The following RPL26L1 variants were observed in gnomAD, a reference collection of about 807,000 sequenced individuals.
The protein encoded by RPL26L1 is ribosomal protein L26 like 1.
A neutral mutation model predicts 15.2 loss-of-function variants in RPL26L1; 8 were observed. The observed-to-expected ratio is 0.53, with a 90% CI of 0.31 to 0.95. RPL26L1 has a LOEUF of 0.95. Ranked by LOEUF, RPL26L1 falls within the 40% of genes least tolerant of loss-of-function variation. RPL26L1 has a pLI of 0.05. For synonymous variants in RPL26L1, 51 were observed against 65.9 expected, an observed-to-expected ratio of 0.77 and a Z score of 1.09; for missense variants, 146 against 190.9, an observed-to-expected ratio of 0.76 and a Z score of 1.39.
At chr5:172,964,925 T>A (rs911068156) in intron 2 of RPL26L1, among the ~76,000 whole-genome samples, 1 of 152,208 alleles carries the variant, frequency 6.6e-6, no homozygotes, top group South Asian at 2.1e-4. Context: ...GGCTCACGCC[T>A]GTAATCTCAA....
chr5:172,967,846 G>A (rs1410558387), intron 2 of RPL26L1, among the ~76,000 whole-genome samples: 3 of 151,380 alleles, frequency 2.0e-5, no homozygotes, highest in South Asian at 2.1e-4. Flanking sequence ...ATATATGTAT[G>A]TTACATATAA....
At chr5:172,960,688 C>T (rs1482408156) in intron 2 of RPL26L1, among the ~76,000 whole-genome samples, 7 of 151,962 alleles carry the variant, frequency 4.6e-5, no homozygotes, top group Non-Finnish European at 1.0e-4. Flanking sequence ...CCTCTGTTCT[C>T]TGTGATTGGA....
intron 2 of RPL26L1, among the ~76,000 whole-genome samples, chr5:172,963,621 C>T (rs1418677896): frequency 2.6e-5 from 4 of 152,136 alleles, no homozygotes; most frequent in Non-Finnish European, 2.9e-5. Flanking sequence ...CTTAAATGTC[C>T]GTTCCTCAGA....
chr5:172,959,308 G>A, upstream of RPL26L1: 1 of 970,246 alleles, frequency 1.0e-6, no homozygotes, highest in Non-Finnish European at 1.2e-6. Flanking sequence ...CCCTCCCGGG[G>A]CCGCCAGGAA....
At position 172,959,425 on chromosome 5, in the gene RPL26L1, C is replaced by T. The variant is rs964953228; in HGVS notation, c.-53C>T. 6 of 999,270 alleles carry T rather than the reference C, an allele frequency of 6.0e-6. No homozygotes were observed. Among genetic ancestry groups the T allele is most frequent in the Non-Finnish European group, 7.2e-6 (6 of 836,256 alleles). 61.9% of individuals were successfully genotyped at this position (999,270 alleles called of 1,614,324 possible). A position where few individuals can be genotyped will look rare whatever the true frequency, so the allele number is the denominator to read the frequency against. ...TGCGCTTGCGCGGCACGGAAACTCA[C>T]TTCCGGCCCTGCGCACTCAGGGTCT... On this transcript the variant is annotated 5_prime_UTR_variant, in exon 1 of 4. Transcript: ENST00000265100.
At chr5:172,959,409 G>A (rs962206080), upstream of RPL26L1, 5 of 1,003,566 alleles carry the variant, frequency 5.0e-6, no homozygotes, top group Non-Finnish European at 6.0e-6. Flanking sequence ...CTGCGCTTGC[G>A]CGGCACGGAA....
chr5:172,967,752 GTATATATACA>G (rs1755509977), intron 2 of RPL26L1, among the ~76,000 whole-genome samples: 1 of 147,176 alleles, frequency 6.8e-6, no homozygotes, highest in African/African-American at 2.6e-5. Flanking sequence ...AAATGTGTGT[GTATATATACA>G]TATATACACA....
chr5:172,966,613 A>T (rs1755460834), intron 2 of RPL26L1, among the ~76,000 whole-genome samples: 1 of 138,872 alleles, frequency 7.2e-6, no homozygotes, highest in Non-Finnish European at 1.6e-5. Flanking sequence ...AAAAGTGTGT[A>T]TGTGTGTATT....
upstream of RPL26L1, chr5:172,958,108 T>A (rs1164879929): frequency 3.2e-6 from 1 of 308,934 alleles, no homozygotes; most frequent in Non-Finnish European, 6.6e-6. Flanking sequence ...CTACTAAAAA[T>A]ACAAAATTAG....
chr5:172,958,054 C>T (rs561058424), upstream of RPL26L1: 19 of 250,254 alleles, frequency 7.6e-5, no homozygotes, highest in Admixed American at 1.4e-4. Context: ...CACCTGAGGT[C>T]GGGAGTTCAA....
At chr5:172,962,905 A>G (rs1755297275) in intron 2 of RPL26L1, among the ~76,000 whole-genome samples, 1 of 151,992 alleles carries the variant, frequency 6.6e-6, no homozygotes, top group Non-Finnish European at 1.5e-5. Context: ...ATGATGCCTC[A>G]GTTAAAAATA....
At chr5:172,964,680 C>A (rs1302918793) in intron 2 of RPL26L1, among the ~76,000 whole-genome samples, 3 of 152,212 alleles carry the variant, frequency 2.0e-5, no homozygotes, top group Non-Finnish European at 4.4e-5. Flanking sequence ...AATAAAATAG[C>A]CCTGATTGGG....
upstream of RPL26L1, chr5:172,958,763 C>G: frequency 4.7e-6 from 1 of 214,372 alleles, no homozygotes; most frequent in Admixed American, 5.2e-5. Context: ...AGCGACCCGG[C>G]GGGGCCAGGC....
At chr5:172,966,486 A>G (rs762409675) in intron 2 of RPL26L1, among the ~76,000 whole-genome samples, 2 of 152,076 alleles carry the variant, frequency 1.3e-5, no homozygotes, top group Admixed American at 1.3e-4. Flanking sequence ...AGTCTTGGCC[A>G]GGTGCAGTGG....
At chr5:172,960,648 A>G (rs1755199232) in intron 2 of RPL26L1, among the ~76,000 whole-genome samples, 1 of 152,082 alleles carries the variant, frequency 6.6e-6, no homozygotes, top group Non-Finnish European at 1.5e-5. Flanking sequence ...ATAATTTCTA[A>G]AAGACTGGCC....
upstream of RPL26L1, chr5:172,958,655 C>T (rs1755081493): frequency 3.6e-5 from 10 of 277,524 alleles, no homozygotes; most frequent in South Asian, 3.0e-4. Context: ...CTTTTACACC[C>T]AGGGTCCGCG....
chr5:172,964,857 C>G (rs1561757407), intron 2 of RPL26L1, among the ~76,000 whole-genome samples: 1 of 152,166 alleles, frequency 6.6e-6, no homozygotes, highest in Non-Finnish European at 1.5e-5. Context: ...TAGTTCCACC[C>G]CTCTTATTTT....
chr5:172,958,129 T>C (rs1045309892), upstream of RPL26L1: 5 of 311,926 alleles, frequency 1.6e-5, no homozygotes, highest in African/African-American at 1.1e-4. Context: ...CCGGGCGTGG[T>C]GGCGCATACC....
At chr5:172,958,126 T>C (rs1355324150), upstream of RPL26L1, 2 of 308,118 alleles carry the variant, frequency 6.5e-6, no homozygotes, top group Non-Finnish European at 1.3e-5. Context: ...TAGCCGGGCG[T>C]GGTGGCGCAT....
Sources: gnomAD v4.1 joint callset for allele counts (sites outside exome capture counted in the v4.1 genomes callset) on GRCh38, gnomAD v4.1.1 for gene constraint, MANE v1.5 for transcripts, NCBI Gene and HGNC (gene_info 2026-07-23, HGNC 2026-07-21) for gene names.